Variants in GIPC2 observed in about 807,000 individuals in gnomAD.
The protein encoded by GIPC2 is PDZ domain-containing protein GIPC2.
Under a neutral mutation model 30.6 loss-of-function variants are expected in GIPC2, and 30 were observed. That is an observed-to-expected ratio of 0.98 (90% CI 0.73 to 1.33). GIPC2 has a LOEUF of 1.33. Ranked by LOEUF, GIPC2 falls within the 40% of genes most tolerant of loss-of-function variation. The pLI is 0.00. For missense variants in GIPC2, 414 were observed against 390.3 expected, an observed-to-expected ratio of 1.06 and a Z score of -0.51; for synonymous variants, 167 against 150.0, an observed-to-expected ratio of 1.11 and a Z score of -0.83.
At chr1:78,119,989 T>C (rs899429620) in intron 4 of GIPC2, among the ~76,000 whole-genome samples, 1 of 152,206 alleles carries the variant, frequency 6.6e-6, no homozygotes, top group Non-Finnish European at 1.5e-5. Flanking sequence ...TGCCCACCAC[T>C]GTGCCCCAAG....
At chr1:78,118,455 C>A (rs1025147875) in intron 3 of GIPC2, among the ~76,000 whole-genome samples, 1 of 151,696 alleles carries the variant, frequency 6.6e-6, no homozygotes, top group Non-Finnish European at 1.5e-5. Context: ...CAATTATCCT[C>A]TTTCTTCGCC....
At chr1:78,061,823 G>A (rs1661399628) in intron 1 of GIPC2, among the ~76,000 whole-genome samples, 1 of 152,118 alleles carries the variant, frequency 6.6e-6, no homozygotes, top group Admixed American at 6.5e-5. Context: ...TGCCATGTTG[G>A]CCAGGCTGGT....
intron 5 of GIPC2, among the ~76,000 whole-genome samples, chr1:78,132,144 G>A (rs1662910840): frequency 6.6e-6 from 1 of 152,180 alleles, no homozygotes; most frequent in Non-Finnish European, 1.5e-5. Flanking sequence ...ATTAAACTTA[G>A]AATCCTAATT....
intron 1 of GIPC2, chr1:78,068,963 C>T (rs1661569431): frequency 2.3e-6 from 1 of 426,724 alleles, no homozygotes; most frequent in Non-Finnish European, 3.1e-6. Flanking sequence ...TCAGCTCCTG[C>T]CCCTGCTTGG....
chr1:78,084,113 C>T (rs1191671155), intron 2 of GIPC2, among the ~76,000 whole-genome samples: 11 of 152,092 alleles, frequency 7.2e-5, no homozygotes, highest in Admixed American at 7.2e-4. Context: ...TAGCTGTGCT[C>T]ATACATTGAA....
At chr1:78,098,259 A>G (rs2100384818) in intron 3 of GIPC2, among the ~76,000 whole-genome samples, 1 of 152,258 alleles carries the variant, frequency 6.6e-6, no homozygotes, top group Non-Finnish European at 1.5e-5. Flanking sequence ...TTGGCAGTGG[A>G]CTATCTAGAG....
In GIPC2 at chr1:78,094,142, G is replaced by A. The variant is rs139900908; in HGVS notation, c.427-810G>A. ...GATAACCATACTTATCTTTTATTGG[G>A]TATCAGGCGTCTTAGCTAAGATGGT... On this transcript the variant is annotated intron_variant, in intron 2 of 5. Transcript: ENST00000370759. Among the ~76,000 whole-genome samples, 923 of 152,266 alleles carry A rather than the reference G, an allele frequency of 6.1e-3. 10 individuals are homozygous for A. The highest frequency in any genetic ancestry group is 0.021 in the African/African-American group (873 of 41,560).
At chr1:78,082,213 G>T (rs1470810474) in intron 2 of GIPC2, among the ~76,000 whole-genome samples, 16 of 152,124 alleles carry the variant, frequency 1.1e-4, no homozygotes, top group Admixed American at 1.0e-3. Context: ...GACACATTCA[G>T]GATTTGGATC....
chr1:78,123,446 G>C (rs1350188616), intron 4 of GIPC2, among the ~76,000 whole-genome samples: 1 of 152,024 alleles, frequency 6.6e-6, no homozygotes, highest in Non-Finnish European at 1.5e-5. Flanking sequence ...GATGAGGCTA[G>C]AGGCATAGGC....
At chr1:78,131,356 T>C (rs1020721115) in intron 5 of GIPC2, among the ~76,000 whole-genome samples, 3 of 151,936 alleles carry the variant, frequency 2.0e-5, no homozygotes, top group Admixed American at 2.0e-4. Context: ...CCACAGGCGC[T>C]TGCCACCACG....
At chr1:78,084,465 C>G (rs1557536964) in intron 2 of GIPC2, among the ~76,000 whole-genome samples, 1 of 146,574 alleles carries the variant, frequency 6.8e-6, no homozygotes, top group Admixed American at 6.9e-5. Flanking sequence ...GAGCCGAGAT[C>G]ATGTCACTGC....
intron 2 of GIPC2, among the ~76,000 whole-genome samples, chr1:78,082,655 G>A (rs923602842): frequency 6.6e-6 from 1 of 152,178 alleles, no homozygotes; most frequent in African/African-American, 2.4e-5. Context: ...TGTCAAACAT[G>A]TGCCTGACTC....
chr1:78,128,319 C>T (rs560847426), intron 5 of GIPC2, among the ~76,000 whole-genome samples: 252 of 152,218 alleles, frequency 1.7e-3, no homozygotes, highest in African/African-American at 5.6e-3. Context: ...GGCATTGAGC[C>T]GCTAAGCCCA....
rs568813735 is a variant in GIPC2, at chr1:78,091,437, G to C, written c.427-3515G>C. 13 of 583,602 alleles carry C rather than the reference G, an allele frequency of 2.2e-5. No individual in the cohort carries two copies. The African/African-American group carries it at 2.2e-4, about 10-fold the overall frequency. The allele number at this position is 583,602 out of a possible 1,614,324, so 36.2% of individuals were successfully genotyped here. Reference sequence around the variant, plus strand: ...TAAGGCGGCCGCAGGGGCGGAGCCAGGGGCCTTTGCCTGGCTTGGTGGCTG... The same window carrying C: ...TAAGGCGGCCGCAGGGGCGGAGCCACGGGCCTTTGCCTGGCTTGGTGGCTG... On this transcript the variant is annotated intron_variant, in intron 2 of 5. Transcript: ENST00000370759.
intron 3 of GIPC2, among the ~76,000 whole-genome samples, chr1:78,104,669 A>G (rs1418564222): frequency 6.6e-6 from 1 of 152,152 alleles, no homozygotes; most frequent in Non-Finnish European, 1.5e-5. Flanking sequence ...AAAGGGGAGA[A>G]GGGAGAAGGT....
At chr1:78,129,963 C>A (rs1557552945) in intron 5 of GIPC2, among the ~76,000 whole-genome samples, 1 of 132,486 alleles carries the variant, frequency 7.5e-6, no homozygotes, top group African/African-American at 3.2e-5. Context: ...TCTATAAAAT[C>A]TTTTCTTTTT....
intron 1 of GIPC2, among the ~76,000 whole-genome samples, chr1:78,049,138 A>G (rs555861082): frequency 2.0e-5 from 3 of 152,338 alleles, no homozygotes; most frequent in Admixed American, 2.0e-4. Flanking sequence ...TACCTCAGCA[A>G]TAATGATGTA....
At chr1:78,108,492 T>G (rs771608158) in intron 3 of GIPC2, among the ~76,000 whole-genome samples, 2 of 152,218 alleles carry the variant, frequency 1.3e-5, no homozygotes, top group Non-Finnish European at 2.9e-5. Context: ...TTCATTCATA[T>G]GTGGGCAGCT....
chr1:78,104,541 G>A (rs1432433212), intron 3 of GIPC2, among the ~76,000 whole-genome samples: 1 of 152,152 alleles, frequency 6.6e-6, no homozygotes, highest in Non-Finnish European at 1.5e-5. Context: ...GAACAGTTCA[G>A]GAGGAAATGA....
Sources: gnomAD v4.1 joint callset for allele counts (sites outside exome capture counted in the v4.1 genomes callset) on GRCh38, gnomAD v4.1.1 for gene constraint, MANE v1.5 for transcripts, NCBI Gene and HGNC (gene_info 2026-07-23, HGNC 2026-07-21) for gene names.